The following PAX7 variants were observed in gnomAD, a reference collection of about 807,000 sequenced individuals.
PAX7 encodes the protein paired box 7.
In PAX7, 18 loss-of-function variants were observed where a neutral mutation model predicts 50.7. The ratio of observed to expected loss-of-function variants is 0.36; its 90% CI spans 0.25 to 0.53. The LOEUF (loss-of-function observed/expected upper bound fraction) is 0.53. Ranked by LOEUF, PAX7 falls within the 20% of genes least tolerant of loss-of-function variation. PAX7 has a pLI of 0.93. For synonymous variants in PAX7, 310 were observed against 290.4 expected, an observed-to-expected ratio of 1.07 and a Z score of -0.69; for missense variants, 644 against 702.9, an observed-to-expected ratio of 0.92 and a Z score of 0.95.
chr1:18,632,234 A>T lies in PAX7; in HGVS notation c.85+546A>T, dbSNP rs2088066473. On this transcript the variant is annotated intron_variant, in intron 1 of 8. Coordinates refer to ENST00000420770, the MANE Select transcript of PAX7 (RefSeq NM_001135254.2). The surrounding 1 kb of genome is among the most constrained non-coding windows in gnomAD (Gnocchi z 6.3). ...CTGCTTTTCCGCCTGGAAACAAACT[A>T]ATTGGAAATAATAATTAGTAATGAT... Among the ~76,000 whole-genome samples, 1 of 152,178 alleles carries T rather than the reference A, an allele frequency of 6.6e-6. No homozygotes were observed. Among genetic ancestry groups the T allele is most frequent in the Non-Finnish European group, 1.5e-5 (1 of 68,038 alleles).
intron 7 of PAX7, among the ~76,000 whole-genome samples, chr1:18,706,580 G>A (rs908700676): frequency 1.7e-4 from 25 of 149,964 alleles, no homozygotes; most frequent in African/African-American, 6.2e-4. Flanking sequence ...TCCTGTCTTC[G>A]CCTCCAATTC....
intron 7 of PAX7, among the ~76,000 whole-genome samples, chr1:18,711,039 C>T (rs1320105352): frequency 6.6e-6 from 1 of 152,234 alleles, no homozygotes; most frequent in Non-Finnish European, 1.5e-5. Context: ...CTGCCCGCTT[C>T]CTCCCTTTGC....
chr1:18,717,884 G>C (rs2089446790), intron 7 of PAX7, among the ~76,000 whole-genome samples: 1 of 152,228 alleles, frequency 6.6e-6, no homozygotes, highest in Admixed American at 6.5e-5. Context: ...AGCCTCCAGA[G>C]AGGAGGGAGG....
At chr1:18,703,698 G>A (rs900699961) in intron 7 of PAX7, among the ~76,000 whole-genome samples, 1 of 152,232 alleles carries the variant, frequency 6.6e-6, no homozygotes, top group African/African-American at 2.4e-5. Context: ...TTATTGGTGA[G>A]TTTGGGGAAC....
intron 4 of PAX7, among the ~76,000 whole-genome samples, chr1:18,672,799 G>A (rs568822479): frequency 5.3e-5 from 8 of 151,954 alleles, no homozygotes; most frequent in Non-Finnish European, 1.0e-4. Context: ...AGAGAGGGGG[G>A]TTTCATCAGG....
chr1:18,722,674 C>T (rs989177247), intron 7 of PAX7, among the ~76,000 whole-genome samples: 1 of 152,164 alleles, frequency 6.6e-6, no homozygotes, highest in African/African-American at 2.4e-5. Flanking sequence ...TCTGTTCCTT[C>T]TCCCAGGGCC....
At chr1:18,651,252 A>G (rs2088425498) in intron 4 of PAX7, among the ~76,000 whole-genome samples, 1 of 152,214 alleles carries the variant, frequency 6.6e-6, no homozygotes, top group Non-Finnish European at 1.5e-5. Flanking sequence ...TGTGAAATAC[A>G]TGATCCCTAA....
chr1:18,686,241 GGA>G (rs1305510753), intron 4 of PAX7, among the ~76,000 whole-genome samples: 1 of 152,204 alleles, frequency 6.6e-6, no homozygotes, highest in African/African-American at 2.4e-5. Flanking sequence ...CTCTCAGGTA[GGA>G]GCTGCAATTC....
At position 18,726,483 on chromosome 1, in the gene PAX7, C is replaced by T. The variant is rs1023202668; in HGVS notation, c.1156-9149C>T. 3.3e-5 allele frequency among the ~76,000 whole-genome samples: 5 copies of T among 152,206 alleles called. No homozygotes were observed. Among genetic ancestry groups the T allele is most frequent in the African/African-American group, 4.8e-5 (2 of 41,452 alleles). ...TGTGTCCCAGGCACTGGGAATAAGA[C>T]GCCAAGTCTGTCCCCAGGCAGCTCC... is the stretch of plus-strand genomic sequence containing the variant. On this transcript the variant is annotated intron_variant, in intron 7 of 8. Transcript: ENST00000420770. This position sits in a 1 kb window ranked among gnomAD's most constrained non-coding sequence, Gnocchi z 4.8.
chr1:18,641,924 T>G (rs950448580), intron 4 of PAX7, among the ~76,000 whole-genome samples: 1 of 151,704 alleles, frequency 6.6e-6, no homozygotes, highest in African/African-American at 2.4e-5. Context: ...GTCCTGAGAC[T>G]GCATCGCAGC....
rs1570255403 is a variant in PAX7, at chr1:18,746,044, C to G, written c.*1115C>G. 1.3e-5 allele frequency: 3 copies of G among 231,476 alleles called. No individual in the cohort carries two copies. The East Asian group carries it at 1.8e-4, about 14-fold the overall frequency. 14.3% of individuals were successfully genotyped at this position (231,476 alleles called of 1,614,324 possible). On this transcript the variant is annotated 3_prime_UTR_variant, in exon 9 of 9. Coordinates refer to ENST00000420770, the MANE Select transcript of PAX7 (RefSeq NM_001135254.2). ...CATGCCCCATCCTCTAGGAAGAGGT[C>G]TCCATCTTCCCCAAACCCCTTTCAG...
At chr1:18,740,418 T>G (rs1462758820) in intron 8 of PAX7, among the ~76,000 whole-genome samples, 1 of 152,156 alleles carries the variant, frequency 6.6e-6, no homozygotes, top group Admixed American at 6.5e-5. Flanking sequence ...GCAGGACCAA[T>G]GCAGACTCCT....
In PAX7 at chr1:18,631,386, AC is replaced by A; in HGVS notation, c.-216del. ...GTCGTCGCCACCTTCCCTCCCCCCA[AC>A]CTCCACCCCACCTCACCCCCCTCCC... On this transcript the variant is annotated 5_prime_UTR_variant, in exon 1 of 9. Transcript: ENST00000420770. 1.8e-6 allele frequency: 1 copy of A among 553,884 alleles called. No individual in the cohort carries two copies. Among genetic ancestry groups the A allele is most frequent in the Non-Finnish European group, 3.2e-6 (1 of 308,290 alleles). The allele number at this position is 553,884 out of a possible 1,614,324, so 34.3% of individuals were successfully genotyped here.
chr1:18,638,086 C>G (rs1040997055), intron 4 of PAX7, among the ~76,000 whole-genome samples: 1 of 152,270 alleles, frequency 6.6e-6, no homozygotes, highest in African/African-American at 2.4e-5. Context: ...GACAAATAAT[C>G]TTTCCTGCAC....
chr1:18,701,768 C>G (rs2089224903), intron 6 of PAX7, among the ~76,000 whole-genome samples: 1 of 152,108 alleles, frequency 6.6e-6, no homozygotes, highest in Non-Finnish European at 1.5e-5. Flanking sequence ...GGGAAGGAGG[C>G]CTCACTTGAG....
At chr1:18,734,974 T>G (rs2089692283) in intron 7 of PAX7, among the ~76,000 whole-genome samples, 1 of 152,096 alleles carries the variant, frequency 6.6e-6, no homozygotes, top group Non-Finnish European at 1.5e-5. Flanking sequence ...GAGTTCCTAT[T>G]TGCGGAACCT....
At position 18,683,853 on chromosome 1, in the gene PAX7, A is replaced by AATC. The variant is rs542798398; in HGVS notation, c.587-7899_587-7898insCAT. On this transcript the variant is annotated intron_variant, in intron 4 of 8. Transcript: ENST00000420770. ...AGACTGTCTCAAAAATAATAATAAT[A>AATC]ATAATACCCATCCTTGTGGAGTGTG... is the stretch of plus-strand genomic sequence containing the variant. Among the ~76,000 whole-genome samples, 33 of 152,230 alleles carry AATC rather than the reference A, an allele frequency of 2.2e-4. No individual in the cohort carries two copies. The East Asian group carries it at 6.2e-3, about 29-fold the overall frequency.
chr1:18,651,117 TC>T (rs762217659), intron 4 of PAX7, among the ~76,000 whole-genome samples: 10 of 152,072 alleles, frequency 6.6e-5, no homozygotes, highest in Non-Finnish European at 1.5e-4. Context: ...AGCTGTGGCT[TC>T]CCCTCTCTCA....
chr1:18,710,519 G>A lies in PAX7; in HGVS notation c.1155+7223G>A, dbSNP rs534816980. Among the ~76,000 whole-genome samples the A allele has an allele frequency of 2.6e-5, 4 of 152,088 alleles. No homozygotes were observed. In the South Asian group the frequency reaches 8.3e-4, roughly 32 times the overall value. On this transcript the variant is annotated intron_variant, in intron 7 of 8. Transcript: ENST00000420770. ...ATTTGTAGGCAGGAAGATGGGGAGG[G>A]GGATTGTGGGGTGTTAAATAGCCCA...
Sources: allele counts gnomAD v4.1 joint callset (sites outside exome capture counted in the v4.1 genomes callset), GRCh38; gene constraint gnomAD v4.1.1; non-coding constraint Gnocchi (gnomAD v3.1); transcripts MANE v1.5; gene names NCBI Gene and HGNC (gene_info 2026-07-23, HGNC 2026-07-21).